The following AGBL4 variants were observed in gnomAD, a reference collection of about 807,000 sequenced individuals.
AGBL4 encodes the protein AGBL carboxypeptidase 4, also known as cytosolic carboxypeptidase 6.
Under a neutral mutation model 66.4 loss-of-function variants are expected in AGBL4, and 58 were observed. That is an observed-to-expected ratio of 0.87 (90% CI 0.71 to 1.09). The LOEUF (loss-of-function observed/expected upper bound fraction) is 1.09. Ranked by LOEUF, AGBL4 falls within the 50% of genes least tolerant of loss-of-function variation. The probability of loss-of-function intolerance (pLI) is 0.00; values close to 1 mark genes in which losing one functional copy is unlikely to be tolerated. For synonymous variants in AGBL4, 234 were observed against 222.9 expected (o/e 1.05, Z -0.44); for missense variants, 579 against 631.0 (o/e 0.92, Z 0.88).
chr1:49,240,166 A>T (rs185838231), intron 4 of AGBL4, among the ~76,000 whole-genome samples: 3 of 152,280 alleles, frequency 2.0e-5, no homozygotes, highest in Admixed American at 6.6e-5. Flanking sequence ...ACTTACAGAA[A>T]GTATGAATCT....
intron 5 of AGBL4, among the ~76,000 whole-genome samples, chr1:48,945,514 G>A (rs562911923): frequency 3.2e-4 from 48 of 152,056 alleles, no homozygotes; most frequent in Non-Finnish European, 5.3e-4. Context: ...GAACTTCTTC[G>A]GGCCTTAGAT....
chr1:48,868,752 A>C (rs1462799350), intron 5 of AGBL4, among the ~76,000 whole-genome samples: 1 of 152,166 alleles, frequency 6.6e-6, no homozygotes, highest in Non-Finnish European at 1.5e-5. Context: ...GGGACCCCCT[A>C]AATGTCCCCA....
intron 11 of AGBL4, among the ~76,000 whole-genome samples, chr1:48,582,551 A>C (rs1459383525): frequency 2.4e-4 from 37 of 152,336 alleles, no homozygotes; most frequent in Non-Finnish European, 1.8e-4. Flanking sequence ...CAGATTGTCA[A>C]GTTAAAGATT....
chr1:48,537,533 C>T (rs567734417), intron 12 of AGBL4, among the ~76,000 whole-genome samples: 25 of 152,272 alleles, frequency 1.6e-4, no homozygotes, highest in African/African-American at 3.1e-4. Flanking sequence ...AGGGTGAGGG[C>T]CTGTGCTCCA....
At chr1:49,549,746 G>A (rs903059245) in intron 3 of AGBL4, among the ~76,000 whole-genome samples, 2 of 152,142 alleles carry the variant, frequency 1.3e-5, no homozygotes, top group Non-Finnish European at 2.9e-5. Context: ...AGAATAGAAT[G>A]TGTATTCTGT....
chr1:49,789,004 G>T (rs1644526929), intron 2 of AGBL4, among the ~76,000 whole-genome samples: 1 of 152,176 alleles, frequency 6.6e-6, no homozygotes, highest in Non-Finnish European at 1.5e-5. Context: ...TTATTATTTT[G>T]AGATACATTC....
chr1:48,776,933 G>A (rs571242370), intron 6 of AGBL4: 2 of 583,420 alleles, frequency 3.4e-6, no homozygotes, highest in Admixed American at 4.4e-5. Flanking sequence ...CGGTGCTGGG[G>A]GGGGCGGGGG....
chr1:49,203,172 G>A lies in AGBL4; in HGVS notation c.377+42598C>T, dbSNP rs887645115. Among the ~76,000 whole-genome samples, 23 of 151,778 alleles carry A rather than the reference G, an allele frequency of 1.5e-4. 1 individual carries two copies. The highest frequency in any genetic ancestry group is 1.2e-3 in the Admixed American group (18 of 15,212). ...ATGGAACTTTTGTGCACTGTTGGTGGGACTGTAAAATGATATAGCCTCGAT... is the reference window on the plus strand; with the variant it reads ...ATGGAACTTTTGTGCACTGTTGGTGAGACTGTAAAATGATATAGCCTCGAT... On this transcript the variant is annotated intron_variant, in intron 4 of 13. Coordinates refer to ENST00000371839, the MANE Select transcript of AGBL4 (RefSeq NM_032785.4).
chr1:49,573,644 G>A (rs918523305), intron 3 of AGBL4, among the ~76,000 whole-genome samples: 4 of 152,298 alleles, frequency 2.6e-5, no homozygotes, highest in South Asian at 2.1e-4. Context: ...ATTGCCCTGA[G>A]TGAGAGTCTT....
intron 6 of AGBL4, among the ~76,000 whole-genome samples, chr1:48,722,174 T>C (rs2148534200): frequency 6.6e-6 from 1 of 151,464 alleles, no homozygotes; most frequent in South Asian, 2.1e-4. Flanking sequence ...GACTGGGGGG[T>C]CTTTTGTATT....
chr1:48,872,879 G>T (rs1648824492), intron 5 of AGBL4, among the ~76,000 whole-genome samples: 1 of 152,142 alleles, frequency 6.6e-6, no homozygotes, highest in Non-Finnish European at 1.5e-5. Flanking sequence ...AGAGAAAAAG[G>T]AAGAATCACT....
At chr1:49,795,641 A>ATG (rs1202897944) in intron 2 of AGBL4, among the ~76,000 whole-genome samples, 2 of 151,322 alleles carry the variant, frequency 1.3e-5, no homozygotes, top group Non-Finnish European at 3.0e-5. Flanking sequence ...GTGTGTGTGT[A>ATG]TGTGTGTGTG....
At chr1:49,750,143 T>TA (rs1651332585) in intron 2 of AGBL4, among the ~76,000 whole-genome samples, 1 of 152,178 alleles carries the variant, frequency 6.6e-6, no homozygotes, top group African/African-American at 2.4e-5. Context: ...TACCCAAATG[T>TA]AAAATCCAAA....
At chr1:49,928,688 G>A (rs889900279) in intron 1 of AGBL4, among the ~76,000 whole-genome samples, 2 of 152,068 alleles carry the variant, frequency 1.3e-5, no homozygotes, top group Non-Finnish European at 2.9e-5. Context: ...TGTAAGCCAA[G>A]AAACCAGAAT....
At chr1:49,364,046 G>T (rs959145775) in intron 3 of AGBL4, among the ~76,000 whole-genome samples, 1 of 152,218 alleles carries the variant, frequency 6.6e-6, no homozygotes, top group African/African-American at 2.4e-5. Context: ...GTCAATCTGT[G>T]TCAGGTTCAG....
intron 5 of AGBL4, among the ~76,000 whole-genome samples, chr1:49,016,898 G>A (rs1662865878): frequency 6.6e-6 from 1 of 152,178 alleles, no homozygotes; most frequent in Admixed American, 6.5e-5. Context: ...TGGCAGGTGA[G>A]GCTCAATGAG....
chr1:49,950,022 G>GTGTATATATATATACACACACATA (rs1557611719), intron 1 of AGBL4, among the ~76,000 whole-genome samples: 27 of 1,440 alleles, frequency 0.019, no homozygotes, highest in Non-Finnish European at 0.17. Context: ...ACACACATAT[G>GTGTATATATATATACACACACATA]TGTGTGTGTG....
At chr1:49,959,513 A>G (rs1656944565) in intron 1 of AGBL4, among the ~76,000 whole-genome samples, 1 of 152,102 alleles carries the variant, frequency 6.6e-6, no homozygotes, top group Non-Finnish European at 1.5e-5. Context: ...TGCAACTAGC[A>G]CAATGCCTGG....
chr1:48,565,345 G>A (rs535246977), intron 11 of AGBL4, among the ~76,000 whole-genome samples: 1 of 152,228 alleles, frequency 6.6e-6, no homozygotes, highest in Admixed American at 6.5e-5. Context: ...CAACATAAAC[G>A]CAGATGGGAC....
Sources: allele counts gnomAD v4.1 joint callset (sites outside exome capture counted in the v4.1 genomes callset), GRCh38; gene constraint gnomAD v4.1.1; transcripts MANE v1.5; gene names NCBI Gene and HGNC (gene_info 2026-07-23, HGNC 2026-07-21).